HECTD3: variants seen among roughly 807,000 people sequenced by gnomAD.
HECTD3 encodes the protein E3 ubiquitin-protein ligase HECTD3.
HECTD3 carries 72 observed loss-of-function variants against 109.3 expected under a neutral mutation model. The observed-to-expected ratio is 0.66, with a 90% confidence interval of 0.54 to 0.80. The LOEUF (loss-of-function observed/expected upper bound fraction) is 0.80. Ranked by LOEUF, HECTD3 falls within the 30% of genes least tolerant of loss-of-function variation. The probability of loss-of-function intolerance (pLI) is 0.00; values close to 1 mark genes in which losing one functional copy is unlikely to be tolerated. For synonymous variants in HECTD3, 481 were observed against 471.8 expected (o/e 1.02, Z -0.25); for missense variants, 1,041 against 1,165.2 (o/e 0.89, Z 1.55).
In HECTD3 at chr1:45,007,343, G is replaced by A. The variant is rs917648505; in HGVS notation, c.1503+70C>T. ...TATACTTGCCCCAAGAACTTGTTCA[G>A]GTCCCTCTTGGCCTAGCCCCCTTGG... On this transcript the variant is annotated intron_variant, in intron 10 of 20. Transcript: ENST00000372172. 9.4e-6 allele frequency: 15 copies of A among 1,603,184 alleles called. No individual in the cohort carries two copies. The African/African-American group carries it at 9.4e-5, about 10-fold the overall frequency.
intron 1 of HECTD3, 79 bp from the exon 2 acceptor site, chr1:45,010,785 G>A (rs1433083133): frequency 1.3e-6 from 2 of 1,510,930 alleles, no homozygotes; most frequent in African/African-American, 1.4e-5. Context: ...GGCAAAGGGC[G>A]CCGAACGCAA....
chr1:45,010,692 C>T lies in HECTD3; in HGVS notation c.384G>A (p.Glu128=). The change falls in exon 2 of 21, where the codon GAG becomes GAA. Residue 128 remains glutamate (E), a synonymous_variant. Coordinates refer to ENST00000372172, the MANE Select transcript of HECTD3 (RefSeq NM_024602.6). ...CCTGCAGCCCGCAGTCGCCCAGGTG[C>T]TCTGCCAGCTGCTCCTGCCGGGACG... The part of the protein sequence containing the change: ...WVKLTKEQLA[E]HLGDCGLQEG... The T allele has an allele frequency of 3.2e-6, 5 of 1,557,324 alleles. No homozygotes were observed. The highest frequency in any genetic ancestry group is 2.3e-5 in the East Asian group (1 of 42,562).
chr1:45,007,226 C>T lies in HECTD3; in HGVS notation c.1549G>A (p.Asp517Asn). ...KPSDKYEKPL[D>N]YRWPMRYDQW... Reference sequence around the variant, plus strand: ...CTCACTCTCATGCCATACCTGTAGTCCAGGGGCTTTTCATATTTGTCAGAG... The same window carrying T: ...CTCACTCTCATGCCATACCTGTAGTTCAGGGGCTTTTCATATTTGTCAGAG... Residue 517 changes from aspartate (D) to asparagine (N), a missense_variant, in exon 11 of 21, where the codon GAC becomes AAC. Transcript: ENST00000372172. 1.2e-6 allele frequency: 2 copies of T among 1,613,068 alleles called. No homozygotes were observed. Among genetic ancestry groups the T allele is most frequent in the Non-Finnish European group, 1.7e-6 (2 of 1,179,510 alleles).
Position 45,006,618 on chromosome 1 carries a change from TG to T in HECTD3, c.1725+73del. On this transcript the variant is annotated intron_variant, in intron 13 of 20. Coordinates refer to ENST00000372172, the MANE Select transcript of HECTD3 (RefSeq NM_024602.6). The surrounding 1 kb of genome is among the most constrained non-coding windows in gnomAD (Gnocchi z 4.7). ...TGCCTGCCCCCTTTCTAGCTCAATC[TG>T]GCCCCCTCCTCTGCCCCCTTTCTAG... 7.7e-7 allele frequency: 1 copy of T among 1,296,102 alleles called. No individual in the cohort carries two copies. The highest frequency in any genetic ancestry group is 1.1e-6 in the Non-Finnish European group (1 of 916,112). The allele number at this position is 1,296,102 out of a possible 1,614,324, so 80.3% of individuals were successfully genotyped here.
Position 45,003,418 on chromosome 1 carries a change from G to A in HECTD3, c.*74C>T. The A allele has an allele frequency of 1.5e-6, 2 of 1,339,894 alleles. No homozygotes were observed. The highest frequency in any genetic ancestry group is 1.7e-5 in the Admixed American group (1 of 58,844). The allele number at this position is 1,339,894 out of a possible 1,614,324, so 83.0% of individuals were successfully genotyped here. On this transcript the variant is annotated 3_prime_UTR_variant, in exon 21 of 21. Transcript: ENST00000372172. This position sits in a 1 kb window ranked among gnomAD's most constrained non-coding sequence, Gnocchi z 4.7. Reference sequence around the variant, plus strand: ...AGCACGTCAGCCAAACCAGGGCAGGGAAGGTGTCTTCGCCCTGGGCAAGGC... The same window carrying A: ...AGCACGTCAGCCAAACCAGGGCAGGAAAGGTGTCTTCGCCCTGGGCAAGGC...
chr1:45,010,408 C>A, intron 2 of HECTD3, 115 bp from the exon 3 acceptor site: 1 of 1,454,830 alleles, frequency 6.9e-7, no homozygotes. Flanking sequence ...TCCGAGCCCC[C>A]TTCACGTCCC....
Position 45,003,675 on chromosome 1 carries a change from T to G in HECTD3, c.2495A>C (p.Tyr832Ser). The G allele has an allele frequency of 6.2e-7, 1 of 1,613,814 alleles. No homozygotes were observed. Among genetic ancestry groups the G allele is most frequent in the Non-Finnish European group, 8.5e-7 (1 of 1,179,868 alleles). Residue 832 changes from tyrosine (Y) to serine (S), a missense_variant, in exon 20 of 21, where the codon TAT (tyrosine) becomes TCT (serine). Tyr to Ser is a moderately radical substitution (Grantham distance 144, BLOSUM62 -2). Coordinates refer to ENST00000372172, the MANE Select transcript of HECTD3 (RefSeq NM_024602.6). This position sits in a 1 kb window ranked among gnomAD's most constrained non-coding sequence, Gnocchi z 4.7. The part of the protein sequence containing the change: ...TCSSTLFLPH[Y>S]ASAKVCEEKL... ...AGCCTAGGAAAAAACCCACCTGGCA[T>G]AGTGTGGCAGGAAGAGGGTGCTGGA...
intron 8 of HECTD3, 23 bp from the exon 9 acceptor site, chr1:45,008,344 A>G (rs1644754399): frequency 1.9e-6 from 3 of 1,600,146 alleles, no homozygotes; most frequent in African/African-American, 1.3e-5. Flanking sequence ...GATAGACTGC[A>G]GCTAAAGAGT....
rs1429231635 is a variant in HECTD3 at position 45,007,416 on chromosome 1, G to C, written c.1500C>G (p.Thr500=). The C allele has an allele frequency of 1.2e-6, 2 of 1,614,104 alleles. No individual in the cohort carries two copies. The highest frequency in any genetic ancestry group is 2.2e-5 in the East Asian group (1 of 44,890). ...RDPACKNAVF[T]QVYEGLKPSD... is the part of the protein sequence containing the mutation. Reference sequence around the variant, plus strand: ...TCGGACCCTAGGTGGTGCAGACCTGGGTGAAGACTGCATTCTTGCAGGCAG... The same window carrying C: ...TCGGACCCTAGGTGGTGCAGACCTGCGTGAAGACTGCATTCTTGCAGGCAG... The change falls in exon 10 of 21, where the codon ACC becomes ACG. Residue 500 remains threonine (T), a synonymous_variant. Transcript: ENST00000372172.
At chr1:45,009,862 G>A in intron 4 of HECTD3, 124 bp downstream of exon 4, 16 of 1,273,154 alleles carry the variant, frequency 1.3e-5, no homozygotes, top group Non-Finnish European at 1.7e-5. Flanking sequence ...ATGGGGAGCT[G>A]AACTGAGTGT....
Position 45,011,293 on chromosome 1 carries a change from C to G in HECTD3, c.-36G>C. On this transcript the variant is annotated 5_prime_UTR_variant, in exon 1 of 21. Coordinates refer to ENST00000372172, the MANE Select transcript of HECTD3 (RefSeq NM_024602.6). The stretch of plus-strand genomic sequence containing the variant: ...CGGAGGTGAGCACCTAGAGGCGACC[C>G]TGCCCGGGGAACAGCTGGCGCGACC... 2 of 1,350,728 alleles carry G rather than the reference C, an allele frequency of 1.5e-6. No homozygotes were observed. Among genetic ancestry groups the G allele is most frequent in the Non-Finnish European group, 1.9e-6 (2 of 1,056,768 alleles). The allele number at this position is 1,350,728 out of a possible 1,614,324, so 83.7% of individuals were successfully genotyped here.
Position 45,003,921 on chromosome 1 carries a change from A to T in HECTD3, c.2363T>A (p.Phe788Tyr). The T allele has an allele frequency of 1.2e-6, 2 of 1,613,560 alleles. No individual in the cohort carries two copies. The highest frequency in any genetic ancestry group is 1.7e-6 in the Non-Finnish European group (2 of 1,179,716). Residue 788 changes from phenylalanine (F) to tyrosine (Y), a missense_variant, in exon 19 of 21, where the codon TTC (phenylalanine) becomes TAC (tyrosine). By Grantham distance (22) the Phe-to-Tyr change is conservative (BLOSUM62 3). Around this residue, in one of 2 missense-constraint regions of HECTD3, gnomAD observed 569 missense variants for 715.3 expected, o/e 0.80. Coordinates refer to ENST00000372172, the MANE Select transcript of HECTD3 (RefSeq NM_024602.6). The surrounding 1 kb of genome is among the most constrained non-coding windows in gnomAD (Gnocchi z 4.7). ...NNFTNEDRSR[F>Y]LRFVTGRSRL... ...ACTGCGGCCCGTGACAAAGCGCAGG[A>T]AGCGGCTCCGGTCCTCTGGAGGGAG...
chr1:45,009,009 C>G, intron 7 of HECTD3, 135 bp downstream of exon 7: 1 of 777,190 alleles, frequency 1.3e-6, no homozygotes, highest in Non-Finnish European at 2.2e-6. Context: ...GGCCCCAAAG[C>G]TCCAAATCCT....
Position 45,006,308 on chromosome 1 carries a change from A to ATTTT in HECTD3, c.1726-196_1726-193dup. ...TCAGTCCCTCCTCTGCCCTATTTCT[A>ATTTT]TTTTTTTTTTTTTTTGAGACAGAGT... On this transcript the variant is annotated intron_variant, in intron 13 of 20. Transcript: ENST00000372172. This position sits in a 1 kb window ranked among gnomAD's most constrained non-coding sequence, Gnocchi z 4.7. The ATTTT allele has an allele frequency of 9.2e-5, 39 of 423,572 alleles. No homozygotes were observed. Among genetic ancestry groups the ATTTT allele is most frequent in the East Asian group, 2.0e-4 (5 of 24,514 alleles). The allele number at this position is 423,572 out of a possible 1,614,324, so 26.2% of individuals were successfully genotyped here. A position where few individuals can be genotyped will look rare whatever the true frequency, so the allele number is the denominator to read the frequency against.
chr1:45,011,143 C>T lies in HECTD3; in HGVS notation c.115G>A (p.Ala39Thr). Residue 39 changes from alanine to threonine, a missense_variant, in exon 1 of 21, where the codon GCG becomes ACG. Ala to Thr is a moderately conservative substitution (Grantham distance 58, BLOSUM62 0). This residue lies in a region of HECTD3 where 472 missense variants were observed against 449.9 expected (regional missense o/e 1.05). Coordinates refer to ENST00000372172, the MANE Select transcript of HECTD3 (RefSeq NM_024602.6). ...SLRAGRPLPA[A>T]LAFVPREVLY... ...ACCTCTCGCGGCACGAAAGCCAGCG[C>T]TGCTGGCAGCGGCCGCCCGGCGCGG... The T allele has an allele frequency of 6.6e-7, 1 of 1,507,422 alleles. No homozygotes were observed. Among genetic ancestry groups the T allele is most frequent in the South Asian group, 1.2e-5 (1 of 80,776 alleles). 93.4% of individuals were successfully genotyped at this position (1,507,422 alleles called of 1,614,324 possible).
At position 45,002,726 on chromosome 1, in the gene HECTD3, C is replaced by G. The variant is rs1644701371; in HGVS notation, c.*766G>C. The G allele has an allele frequency of 6.6e-6, 1 of 152,444 alleles. No individual in the cohort carries two copies. The highest frequency in any genetic ancestry group is 1.5e-5 in the Non-Finnish European group (1 of 68,218). 9.4% of individuals were successfully genotyped at this position (152,444 alleles called of 1,614,324 possible). On this transcript the variant is annotated 3_prime_UTR_variant, in exon 21 of 21. Coordinates refer to ENST00000372172, the MANE Select transcript of HECTD3 (RefSeq NM_024602.6). Reference sequence around the variant, plus strand: ...GAGCTATTACAGATTTCAAAAAGGCCATAACTGGCCTTAACCTGTGCAAAA... The same window carrying G: ...GAGCTATTACAGATTTCAAAAAGGCGATAACTGGCCTTAACCTGTGCAAAA...
Position 45,010,618 on chromosome 1 carries a change from A to C in HECTD3, c.458T>G (p.Val153Gly). The C allele has an allele frequency of 6.2e-7, 1 of 1,612,088 alleles. No homozygotes were observed. The highest frequency in any genetic ancestry group is 8.5e-7 in the Non-Finnish European group (1 of 1,179,776). Residue 153 changes from valine to glycine, a missense_variant, in exon 2 of 21, where the codon GTA becomes GGA. Val to Gly is a moderately radical substitution (Grantham distance 109, BLOSUM62 -3). Transcript: ENST00000372172. ...GAGGTGGTTGGGAGTGTCGATGGGT[A>C]CCAGGCGGGCTCCGCCCTCCGCCGG... The part of the protein sequence containing the change: ...CRPAEGGARL[V>G]PIDTPNHLQR...
rs1375439193 is a variant in HECTD3, at chr1:45,007,610, T to C, written c.1321-15A>G. On this transcript the variant is annotated splice_polypyrimidine_tract_variant and intron_variant, in intron 9 of 20. Coordinates refer to ENST00000372172, the MANE Select transcript of HECTD3 (RefSeq NM_024602.6). ...TGCTTCACTTGCTAGTGAGGAGAGGTGGCCAGAGCAGGAATGAGTGGGCAG... is the reference window on the plus strand; with the variant it reads ...TGCTTCACTTGCTAGTGAGGAGAGGCGGCCAGAGCAGGAATGAGTGGGCAG... The C allele has an allele frequency of 1.2e-6, 2 of 1,602,466 alleles. No homozygotes were observed. Among genetic ancestry groups the C allele is most frequent in the East Asian group, 2.2e-5 (1 of 44,832 alleles).
chr1:45,008,348 A>C, intron 8 of HECTD3, 27 bp from the exon 9 acceptor site: 1 of 1,597,366 alleles, frequency 6.3e-7, no homozygotes. Context: ...GACTGCAGCT[A>C]AAGAGTTTAG....
Sources: allele counts gnomAD v4.1 joint callset, GRCh38; gene constraint gnomAD v4.1.1; regional missense constraint gnomAD v4.1.1; non-coding constraint Gnocchi (gnomAD v3.1); transcripts MANE v1.5; gene names NCBI Gene and HGNC (gene_info 2026-07-23, HGNC 2026-07-21).